The following PTPRQ variants were observed in gnomAD, a reference collection of about 807,000 sequenced individuals.
PTPRQ encodes the protein phosphatidylinositol phosphatase PTPRQ.
In PTPRQ, 199 loss-of-function variants were observed where a neutral mutation model predicts 246.0. That is an observed-to-expected ratio of 0.81 (90% CI 0.72 to 0.91). The LOEUF is 0.91. PTPRQ is among the 40% of genes least tolerant of loss of function. PTPRQ has a pLI of 0.00. For missense variants in PTPRQ, 2,624 were observed against 2,528.4 expected (o/e 1.04, Z -0.81); for synonymous variants, 869 against 853.2 (o/e 1.02, Z -0.32).
intron 25 of PTPRQ, among the ~76,000 whole-genome samples, chr12:80,576,696 A>G (rs1156443948): frequency 6.6e-6 from 1 of 151,516 alleles, no homozygotes; most frequent in Non-Finnish European, 1.5e-5. Context: ...AACTATTGAT[A>G]TAGACTCAAT....
chr12:80,613,160 G>T (rs1404966000), intron 28 of PTPRQ, among the ~76,000 whole-genome samples: 8 of 148,036 alleles, frequency 5.4e-5, no homozygotes, highest in African/African-American at 7.7e-5. Context: ...ACCAATATCA[G>T]TTTCCTGGTT....
chr12:80,499,914 A>T (rs916983347), intron 14 of PTPRQ, among the ~76,000 whole-genome samples: 17 of 151,902 alleles, frequency 1.1e-4, no homozygotes. Context: ...TCCCATACAA[A>T]TTACTCTTTT....
chr12:80,567,070 T>C (rs981748271), intron 25 of PTPRQ, among the ~76,000 whole-genome samples: 3 of 152,200 alleles, frequency 2.0e-5, no homozygotes, highest in Non-Finnish European at 2.9e-5. Flanking sequence ...AGAAGCACTA[T>C]TAGGAACTTT....
At chr12:80,583,409 G>A (rs1254694240) in intron 25 of PTPRQ, among the ~76,000 whole-genome samples, 2 of 152,092 alleles carry the variant, frequency 1.3e-5, no homozygotes, top group South Asian at 2.1e-4. Context: ...TAATGTTGGG[G>A]TGATGTGGAG....
intron 17 of PTPRQ, among the ~76,000 whole-genome samples, chr12:80,532,793 C>G (rs1203294996): frequency 1.3e-5 from 2 of 152,194 alleles, no homozygotes; most frequent in African/African-American, 4.8e-5. Context: ...TGTCTCCAAT[C>G]ACATACTCCG....
intron 25 of PTPRQ, among the ~76,000 whole-genome samples, chr12:80,558,168 C>CTTTTCT (rs71094987): frequency 0.01 from 355 of 35,110 alleles, 6 homozygotes; most frequent in South Asian, 0.036. Flanking sequence ...CTTTTCTTTT[C>CTTTTCT]TTTCTTTTCT....
chr12:80,538,866 C>T (rs1207345837), intron 19 of PTPRQ, among the ~76,000 whole-genome samples: 1 of 151,786 alleles, frequency 6.6e-6, no homozygotes, highest in African/African-American at 2.4e-5. Context: ...ATGATTATTT[C>T]CATTTTACAG....
intron 28 of PTPRQ, 112 bp downstream of exon 28, chr12:80,610,737 A>G: frequency 7.6e-7 from 1 of 1,316,660 alleles, no homozygotes; most frequent in South Asian, 1.8e-5. Flanking sequence ...TTTTTAAAGC[A>G]TATAAACAAA....
At chr12:80,479,191 T>C (rs1419942251) in intron 8 of PTPRQ, among the ~76,000 whole-genome samples, 2 of 151,146 alleles carry the variant, frequency 1.3e-5, no homozygotes, top group East Asian at 3.9e-4. Context: ...GCAGAAACCC[T>C]ACAAGCCAGA....
intron 4 of PTPRQ, 31 bp from the exon 5 acceptor site, chr12:80,459,253 T>G (rs1565717929): frequency 5.0e-6 from 2 of 398,122 alleles, no homozygotes; most frequent in East Asian, 3.6e-5. Context: ...TATAACAAAG[T>G]TTTTTCCTTC....
intron 43 of PTPRQ, among the ~76,000 whole-genome samples, chr12:80,676,791 TA>T (rs1344716072): frequency 2.0e-5 from 3 of 152,176 alleles, no homozygotes; most frequent in Non-Finnish European, 2.9e-5. Context: ...TGAACTCATA[TA>T]GGGGAAGAAA....
chr12:80,482,144 C>A (rs1370955635), intron 8 of PTPRQ, among the ~76,000 whole-genome samples: 4 of 151,840 alleles, frequency 2.6e-5, no homozygotes, highest in Non-Finnish European at 5.9e-5. Context: ...GCTACAGTAA[C>A]CAAAACAGCA....
chr12:80,620,126 T>C, intron 31 of PTPRQ, 28 bp from the exon 32 acceptor site: 1 of 1,518,006 alleles, frequency 6.6e-7, no homozygotes, highest in South Asian at 1.3e-5. Flanking sequence ...TTACTTGGAA[T>C]TATTGTTCTC....
At chr12:80,511,031 G>A (rs76224786) in intron 17 of PTPRQ, among the ~76,000 whole-genome samples, 2,038 of 152,126 alleles carry the variant, frequency 0.013, 24 homozygotes, top group Non-Finnish European at 0.023. Flanking sequence ...TCTTTACTTT[G>A]ATGTAATGTA....
intron 26 of PTPRQ, among the ~76,000 whole-genome samples, chr12:80,601,837 T>C (rs1465931851): frequency 1.3e-5 from 2 of 151,794 alleles, no homozygotes; most frequent in Admixed American, 1.3e-4. Flanking sequence ...CTGTTATGTA[T>C]AATTACCTAA....
intron 43 of PTPRQ, among the ~76,000 whole-genome samples, chr12:80,674,303 A>G (rs1385337729): frequency 6.6e-6 from 1 of 152,180 alleles, no homozygotes; most frequent in African/African-American, 2.4e-5. Context: ...AAAAAGAGTT[A>G]TCTGCTAAAA....
At chr12:80,552,821 T>C (rs896255024) in intron 25 of PTPRQ, among the ~76,000 whole-genome samples, 1 of 151,680 alleles carries the variant, frequency 6.6e-6, no homozygotes, top group Non-Finnish European at 1.5e-5. Context: ...ACTTTCCTAC[T>C]ACTGAGTACC....
chr12:80,601,572 T>C (rs1236297872), intron 26 of PTPRQ, among the ~76,000 whole-genome samples: 2 of 151,832 alleles, frequency 1.3e-5, no homozygotes, highest in Non-Finnish European at 2.9e-5. Flanking sequence ...TTTCCTGTTT[T>C]ATACCACTTG....
intron 35 of PTPRQ, among the ~76,000 whole-genome samples, chr12:80,645,091 A>C (rs1565838371): frequency 6.6e-6 from 1 of 152,060 alleles, no homozygotes. Context: ...AGATTCTAAA[A>C]AGTGATTGGA....
Sources: gnomAD v4.1 joint callset for allele counts (sites outside exome capture counted in the v4.1 genomes callset) on GRCh38, gnomAD v4.1.1 for gene constraint, MANE v1.5 for transcripts, NCBI Gene and HGNC (gene_info 2026-07-23, HGNC 2026-07-21) for gene names.